The following SMIM36 variants were observed in gnomAD, a reference collection of about 807,000 sequenced individuals.
SMIM36 encodes the protein small integral membrane protein 36.
chr17:55,503,236 A>G (rs1481507906), intron 1 of SMIM36, among the ~76,000 whole-genome samples: 2 of 102,774 alleles, frequency 1.9e-5, no homozygotes, highest in African/African-American at 4.0e-5. Flanking sequence ...CCACAAAGAT[A>G]CTCCTCGAGA....
chr17:55,463,249 C>T (rs545000834), intron 4 of SMIM36, among the ~76,000 whole-genome samples: 3 of 152,122 alleles, frequency 2.0e-5, no homozygotes, highest in African/African-American at 7.2e-5. Context: ...CAGTAAGAGA[C>T]TAATAACAAT....
chr17:55,465,394 G>A (rs1288510560), intron 4 of SMIM36, among the ~76,000 whole-genome samples: 2 of 152,124 alleles, frequency 1.3e-5, no homozygotes, highest in African/African-American at 4.8e-5. Context: ...TGATCATGAT[G>A]AGCAATTATC....
intron 3 of SMIM36, among the ~76,000 whole-genome samples, chr17:55,475,155 C>G (rs1909407626): frequency 6.6e-6 from 1 of 152,160 alleles, no homozygotes; most frequent in African/African-American, 2.4e-5. Flanking sequence ...TATCTTCTGT[C>G]TCGTCATACT....
chr17:55,523,328 G>A, the SMIM36 span, among the ~76,000 whole-genome samples: 33 of 152,138 alleles, frequency 2.2e-4, no homozygotes, highest in South Asian at 6.2e-3. Context: ...TCGGGAGATC[G>A]AGACCTTCCT....
intron 1 of SMIM36, among the ~76,000 whole-genome samples, chr17:55,498,855 C>T (rs1179446695): frequency 6.6e-6 from 1 of 151,658 alleles, no homozygotes; most frequent in Non-Finnish European, 1.5e-5. Context: ...AAAAAATTAG[C>T]CTGCATGGTG....
At chr17:55,511,007 T>C (rs6504968) in exon 1 of SMIM36, 44,393 of 397,692 alleles carry the variant, frequency 0.11, 6,964 homozygotes, top group African/African-American at 0.47. Flanking sequence ...GCAGTTTGTC[T>C]CTATGGAAAG....
At chr17:55,525,263 T>A in the SMIM36 span, among the ~76,000 whole-genome samples, 1 of 152,222 alleles carries the variant, frequency 6.6e-6, no homozygotes, top group African/African-American at 2.4e-5. Flanking sequence ...AACTGTGTCA[T>A]CCCTTGTCTC....
At chr17:55,465,051 G>A (rs1398862967) in intron 4 of SMIM36, among the ~76,000 whole-genome samples, 2 of 152,160 alleles carry the variant, frequency 1.3e-5, no homozygotes, top group Non-Finnish European at 2.9e-5. Context: ...AGATCATCTC[G>A]GACTACATGA....
intron 1 of SMIM36, among the ~76,000 whole-genome samples, chr17:55,498,173 G>A (rs899744604): frequency 3.9e-5 from 6 of 151,996 alleles, no homozygotes; most frequent in African/African-American, 1.5e-4. Context: ...TTTTTATAAC[G>A]ACACAGTCCT....
chr17:55,508,783 T>C (rs1303412033), intron 1 of SMIM36, among the ~76,000 whole-genome samples: 2 of 151,366 alleles, frequency 1.3e-5, no homozygotes, highest in African/African-American at 4.8e-5. Context: ...ATTAGCTGCG[T>C]GTGGTGGCAG....
chr17:55,500,083 C>T (rs772653328), intron 1 of SMIM36, among the ~76,000 whole-genome samples: 2 of 151,120 alleles, frequency 1.3e-5, no homozygotes, highest in South Asian at 2.1e-4. Flanking sequence ...GGGAAGAAAT[C>T]GCAATTTCTT....
At chr17:55,450,022 A>C (rs986379559) in exon 5 of SMIM36, 9 of 152,348 alleles carry the variant, frequency 5.9e-5, no homozygotes, top group South Asian at 2.1e-4. Flanking sequence ...ATATGACATA[A>C]GATATGATTA....
chr17:55,480,738 A>G (rs1324591127), intron 1 of SMIM36, among the ~76,000 whole-genome samples: 1 of 152,204 alleles, frequency 6.6e-6, no homozygotes, highest in East Asian at 1.9e-4. Context: ...CAGTTTCCCC[A>G]TAGGAGCTTG....
rs144959422 is a variant in SMIM36, at chr17:55,484,782, T to C, written c.*175-5202A>G. 2.1e-3 allele frequency among the ~76,000 whole-genome samples: 318 copies of C among 152,336 alleles called. 2 individuals carry two copies. Among genetic ancestry groups the C allele is most frequent in the African/African-American group, 7.3e-3 (303 of 41,582 alleles). ...AAAGGTATAAACTGGGGCTGTCTCA[T>C]GCAAAACTTGAGGCGTGGTCACTGT... On this transcript the variant is annotated intron_variant, in intron 1 of 4. Coordinates refer to ENST00000636752, the Ensembl canonical transcript of SMIM36.
chr17:55,507,817 A>G (rs746850580), intron 1 of SMIM36, among the ~76,000 whole-genome samples: 3 of 152,094 alleles, frequency 2.0e-5, no homozygotes, highest in Admixed American at 6.5e-5. Context: ...CAATTCTCCC[A>G]TTAGTTCAGT....
chr17:55,509,167 T>C (rs182396706), intron 1 of SMIM36, among the ~76,000 whole-genome samples: 89 of 152,294 alleles, frequency 5.8e-4, no homozygotes, highest in Middle Eastern at 3.4e-3. Context: ...ACAGTGCTCA[T>C]TGTCAAAGCT....
chr17:55,465,647 A>G lies in SMIM36; in HGVS notation c.*531+1498T>C, dbSNP rs1020054339. On this transcript the variant is annotated intron_variant, in intron 4 of 4. Transcript: ENST00000636752. Reference sequence around the variant, plus strand: ...TTTTTGACAATTAGCTTTGTTTAAAAATGGAATTAAGTTCTTTCATCAGGT... The same window carrying G: ...TTTTTGACAATTAGCTTTGTTTAAAGATGGAATTAAGTTCTTTCATCAGGT... 4.6e-5 allele frequency among the ~76,000 whole-genome samples: 7 copies of G among 152,276 alleles called. No individual in the cohort carries two copies. The East Asian group carries it at 9.7e-4, about 21-fold the overall frequency.
intron 4 of SMIM36, among the ~76,000 whole-genome samples, chr17:55,461,370 A>G (rs1259457150): frequency 6.6e-6 from 1 of 152,218 alleles, no homozygotes; most frequent in East Asian, 1.9e-4. Flanking sequence ...TACTAAATGG[A>G]AAAGCCATAC....
chr17:55,529,899 T>C, the SMIM36 span, among the ~76,000 whole-genome samples: 3 of 152,260 alleles, frequency 2.0e-5, no homozygotes, highest in Admixed American at 1.3e-4. Flanking sequence ...CTGTAGCAGA[T>C]GAATCTTCAT....
Sources: allele counts gnomAD v4.1 joint callset (sites outside exome capture counted in the v4.1 genomes callset), GRCh38; gene constraint gnomAD v4.1.1; transcripts MANE v1.5; gene names NCBI Gene and HGNC (gene_info 2026-07-23, HGNC 2026-07-21).